The following SGPP2 variants were observed in gnomAD, a reference collection of about 807,000 sequenced individuals.
SGPP2 encodes sphingosine 1-phosphate phosphohydrolase 2.
SGPP2 carries 30 observed loss-of-function variants against 33.9 expected under a neutral mutation model. That is an observed-to-expected ratio of 0.89 (90% CI 0.66 to 1.20). The LOEUF is 1.20. SGPP2 is among the 50% of genes most tolerant of loss of function. SGPP2 has a pLI of 0.00. For synonymous variants in SGPP2, 233 were observed against 225.0 expected, an observed-to-expected ratio of 1.04 and a Z score of -0.32; for missense variants, 458 against 532.1, an observed-to-expected ratio of 0.86 and a Z score of 1.37.
intron 2 of SGPP2, among the ~76,000 whole-genome samples, chr2:222,503,553 C>A (rs764591268): frequency 4.6e-5 from 7 of 152,070 alleles, no homozygotes; most frequent in African/African-American, 1.7e-4. Flanking sequence ...AAATTACAGG[C>A]CATCATGCTT....
At position 222,558,846 on chromosome 2, in the gene SGPP2, T is replaced by C. The variant is rs1689469658; in HGVS notation, c.1148T>C (p.Ile383Thr). 6.2e-7 allele frequency: 1 copy of C among 1,614,078 alleles called. No homozygotes were observed. Among genetic ancestry groups the C allele is most frequent in the Admixed American group, 1.7e-5 (1 of 60,030 alleles). Residue 383 changes from isoleucine to threonine, a missense_variant, in exon 5 of 5, where the codon ATC becomes ACC. Physicochemically the swap from Ile to Thr is moderately conservative, Grantham distance 89. Transcript: ENST00000321276. ...YKFVTYTSVG[I>T]CATTFVPMLH... is the part of the protein sequence containing the mutation. ...TTTGTTACCTACACATCTGTTGGCATCTGCGCTACAACCTTTGTGCCGATG... is the reference window on the plus strand; with the variant it reads ...TTTGTTACCTACACATCTGTTGGCACCTGCGCTACAACCTTTGTGCCGATG...
chr2:222,461,390 T>G (rs1475899809), intron 1 of SGPP2, among the ~76,000 whole-genome samples: 1 of 152,186 alleles, frequency 6.6e-6, no homozygotes, highest in Non-Finnish European at 1.5e-5. Context: ...CCAGCCTTTT[T>G]GGCATCAGAG....
intron 1 of SGPP2, among the ~76,000 whole-genome samples, chr2:222,472,672 C>A (rs544712077): frequency 6.6e-5 from 10 of 152,280 alleles, no homozygotes; most frequent in African/African-American, 2.2e-4. Context: ...AATCTTGTGG[C>A]CTTTCATTAG....
At chr2:222,545,468 G>A (rs1689170593) in intron 4 of SGPP2, among the ~76,000 whole-genome samples, 1 of 152,032 alleles carries the variant, frequency 6.6e-6, no homozygotes, top group South Asian at 2.1e-4. Context: ...TTTTAGTAGA[G>A]ACAGGGTTTC....
At chr2:222,487,193 A>G (rs1698124497) in intron 2 of SGPP2, among the ~76,000 whole-genome samples, 1 of 152,222 alleles carries the variant, frequency 6.6e-6, no homozygotes, top group Non-Finnish European at 1.5e-5. Flanking sequence ...TGTTCCTCTT[A>G]AGAATTAGGT....
Position 222,434,975 on chromosome 2 carries a change from TACACACACACACACAC to T in SGPP2, c.219+10176_219+10191del, listed in dbSNP as rs71053082. On this transcript the variant is annotated intron_variant, in intron 1 of 4. Transcript: ENST00000321276. ...ACAGACCTAACAGAATGGAGATATA[TACACACACACACACAC>T]ACACACACACACACACACACATATG... 1.7e-3 allele frequency among the ~76,000 whole-genome samples: 254 copies of T among 146,086 alleles called. 2 individuals are homozygous for T. Among genetic ancestry groups the T allele is most frequent in the Middle Eastern group, 0.017 (5 of 290 alleles).
intron 2 of SGPP2, among the ~76,000 whole-genome samples, 155 bp from the exon 3 acceptor site, chr2:222,521,612 A>G (rs368374601): frequency 6.6e-6 from 1 of 152,262 alleles, no homozygotes; most frequent in African/African-American, 2.4e-5. Context: ...TTTACCAACT[A>G]AAATATCCTA....
At chr2:222,428,626 C>A (rs766309209) in intron 1 of SGPP2, among the ~76,000 whole-genome samples, 1 of 152,050 alleles carries the variant, frequency 6.6e-6, no homozygotes, top group Non-Finnish European at 1.5e-5. Flanking sequence ...TGTTAATCTA[C>A]GAAACCTTGA....
chr2:222,527,036 G>C (rs1055760943), intron 4 of SGPP2, among the ~76,000 whole-genome samples: 4 of 152,194 alleles, frequency 2.6e-5, no homozygotes, highest in African/African-American at 9.7e-5. Context: ...TAAAATGAAA[G>C]TAAGCACGAG....
At chr2:222,494,038 T>A (rs980293265) in intron 2 of SGPP2, among the ~76,000 whole-genome samples, 5 of 152,236 alleles carry the variant, frequency 3.3e-5, no homozygotes, top group Non-Finnish European at 5.9e-5. Context: ...TTTTCTATTA[T>A]TCTATTTCCC....
chr2:222,522,170 A>G, intron 3 of SGPP2, among the ~76,000 whole-genome samples: 1 of 152,262 alleles, frequency 6.6e-6, no homozygotes, highest in East Asian at 1.9e-4. Context: ...CATCAGCACC[A>G]TATTAATAAT....
chr2:222,505,334 G>A (rs1405407779), intron 2 of SGPP2, among the ~76,000 whole-genome samples: 1 of 152,222 alleles, frequency 6.6e-6, no homozygotes, highest in Admixed American at 6.5e-5. Flanking sequence ...TGCCCAGTAT[G>A]TGAGATGAGC....
intron 1 of SGPP2, among the ~76,000 whole-genome samples, chr2:222,456,788 A>C (rs1697580254): frequency 6.6e-6 from 1 of 152,208 alleles, no homozygotes; most frequent in Non-Finnish European, 1.5e-5. Flanking sequence ...CCCCAGCTTC[A>C]CAACTCACAG....
At chr2:222,474,202 CTT>C (rs1008936487) in intron 1 of SGPP2, among the ~76,000 whole-genome samples, 4 of 152,160 alleles carry the variant, frequency 2.6e-5, no homozygotes, top group Admixed American at 2.6e-4. Flanking sequence ...ACATAGAAAT[CTT>C]TGAGGGAAGC....
At position 222,560,848 on chromosome 2, in the gene SGPP2, C is replaced by T. The variant is rs1689523783; in HGVS notation, c.*1950C>T. On this transcript the variant is annotated 3_prime_UTR_variant, in exon 5 of 5. Coordinates refer to ENST00000321276, the MANE Select transcript of SGPP2 (RefSeq NM_152386.4). ...TTAGGCCGGGTGCGGTGGCTCATGC[C>T]TGTAATCCCAGCACTTTGGGAGGCC... 1 of 152,246 alleles carries T rather than the reference C, an allele frequency of 6.6e-6. No individual in the cohort carries two copies. The highest frequency in any genetic ancestry group is 6.5e-5 in the Admixed American group (1 of 15,282). The allele number at this position is 152,246 out of a possible 1,614,324, so 9.4% of individuals were successfully genotyped here. A position where few individuals can be genotyped will look rare whatever the true frequency, so the allele number is the denominator to read the frequency against.
chr2:222,558,282 A>C, intron 4 of SGPP2, 65 bp from the exon 5 acceptor site: 1 of 1,515,120 alleles, frequency 6.6e-7, no homozygotes, highest in Non-Finnish European at 9.0e-7. Flanking sequence ...TACTTGATTC[A>C]AATTATACCT....
chr2:222,472,090 C>T (rs546977721), intron 1 of SGPP2, among the ~76,000 whole-genome samples: 44 of 152,260 alleles, frequency 2.9e-4, no homozygotes, highest in Admixed American at 1.9e-3. Flanking sequence ...GTTTCTCACA[C>T]CATCATTGTG....
chr2:222,428,785 C>CTTTTTTTTTTTTTT, intron 1 of SGPP2, among the ~76,000 whole-genome samples: 1 of 75,344 alleles, frequency 1.3e-5, no homozygotes, highest in Non-Finnish European at 2.5e-5. Flanking sequence ...ACATGGTTTT[C>CTTTTTTTTTTTTTT]TTTTTTTTTT....
intron 4 of SGPP2, among the ~76,000 whole-genome samples, chr2:222,542,891 G>A (rs1559174870): frequency 6.6e-6 from 1 of 150,592 alleles, no homozygotes; most frequent in Non-Finnish European, 1.5e-5. Flanking sequence ...CCTGCTTCAA[G>A]CAATCCTCCC....
Sources: gnomAD v4.1 joint callset for allele counts (sites outside exome capture counted in the v4.1 genomes callset) on GRCh38, gnomAD v4.1.1 for gene constraint, MANE v1.5 for transcripts, NCBI Gene and HGNC (gene_info 2026-07-23, HGNC 2026-07-21) for gene names.